EIF2AK4: variants seen among roughly 807,000 people sequenced by gnomAD.
EIF2AK4 encodes eukaryotic translation initiation factor 2 alpha kinase 4.
A neutral mutation model predicts 211.1 loss-of-function variants in EIF2AK4; 139 were observed. That is an observed-to-expected ratio of 0.66 (90% CI 0.57 to 0.76). The LOEUF (loss-of-function observed/expected upper bound fraction) is 0.76. EIF2AK4 is among the 30% of genes least tolerant of loss of function. The pLI is 0.00. For synonymous variants in EIF2AK4, 710 were observed against 751.3 expected, an observed-to-expected ratio of 0.94 and a Z score of 0.90; for missense variants, 1,664 against 2,043.8, an observed-to-expected ratio of 0.81 and a Z score of 3.58.
chr15:40,021,018 C>CG lies in EIF2AK4; in HGVS notation c.4293_4294insG (p.Trp1432ValfsTer16). 6.2e-7 allele frequency: 1 copy of CG among 1,612,736 alleles called. No homozygotes were observed. Among genetic ancestry groups the CG allele is most frequent in the Non-Finnish European group, 8.5e-7 (1 of 1,179,382 alleles). The stretch of plus-strand genomic sequence containing the variant: ...GCATCACAGCAGAAATCATGTACGA[C>CG]TGGTCACAGGTAATGGGACAAAAAG... On this transcript the variant is annotated frameshift_variant, in exon 31 of 39. Coordinates refer to ENST00000263791, the MANE Select transcript of EIF2AK4 (RefSeq NM_001013703.4). LOFTEE classifies it high-confidence loss of function.
intron 1 of EIF2AK4, among the ~76,000 whole-genome samples, chr15:39,938,695 C>T (rs992362471): frequency 6.6e-6 from 1 of 152,190 alleles, no homozygotes; most frequent in Admixed American, 6.5e-5. Flanking sequence ...TGAATCCCAG[C>T]TCTGTCCCTG....
At chr15:39,960,737 A>G (rs2034459882) in intron 6 of EIF2AK4, among the ~76,000 whole-genome samples, 1 of 152,120 alleles carries the variant, frequency 6.6e-6, no homozygotes, top group South Asian at 2.1e-4. Context: ...GGACTAACTA[A>G]TAGACTAAGA....
intron 21 of EIF2AK4, among the ~76,000 whole-genome samples, chr15:40,001,633 C>CAAAAAAAAAAAAAA (rs11383908): frequency 8.3e-6 from 1 of 120,352 alleles, no homozygotes; most frequent in Non-Finnish European, 1.6e-5. Context: ...GACCCCAACT[C>CAAAAAAAAAAAAAA]AAAAAAAAAA....
At chr15:39,981,180 G>A (rs558200976) in intron 13 of EIF2AK4, among the ~76,000 whole-genome samples, 3 of 152,216 alleles carry the variant, frequency 2.0e-5, no homozygotes, top group Non-Finnish European at 4.4e-5. Context: ...GACCAGCCTG[G>A]CCAACATGGT....
rs1443113202 is a variant in EIF2AK4, at chr15:40,006,919, G to A, written c.3358-97G>A. On this transcript the variant is annotated intron_variant, in intron 23 of 38. Transcript: ENST00000263791. ...GCCACTGAAGTACATACTTTAAAGGGGTGAACTTTATGGGACAGGAGTTAT... is the reference window on the plus strand; with the variant it reads ...GCCACTGAAGTACATACTTTAAAGGAGTGAACTTTATGGGACAGGAGTTAT... The A allele has an allele frequency of 3.4e-6, 3 of 889,230 alleles. No individual in the cohort carries two copies. The African/African-American group carries it at 5.0e-5, about 15-fold the overall frequency. 55.1% of individuals were successfully genotyped at this position (889,230 alleles called of 1,614,324 possible).
chr15:40,010,458 A>G (rs1413104041), intron 26 of EIF2AK4, among the ~76,000 whole-genome samples: 1 of 152,200 alleles, frequency 6.6e-6, no homozygotes, highest in Non-Finnish European at 1.5e-5. Context: ...ACTTTATAGT[A>G]TATGTGCGGG....
chr15:39,945,367 A>G (rs2034213215), intron 3 of EIF2AK4, among the ~76,000 whole-genome samples: 1 of 152,216 alleles, frequency 6.6e-6, no homozygotes. Flanking sequence ...GCTGGAAAGA[A>G]GATCAAATTA....
chr15:39,968,891 T>TATATATATACAC (rs139536340), intron 9 of EIF2AK4, among the ~76,000 whole-genome samples: 1 of 149,116 alleles, frequency 6.7e-6, no homozygotes, highest in African/African-American at 2.5e-5. Context: ...TATATATATA[T>TATATATATACAC]ACACACACAT....
At position 40,033,288 on chromosome 15, in the gene EIF2AK4, A is replaced by G. The variant is rs917001123; in HGVS notation, c.4773+487A>G. Among the ~76,000 whole-genome samples the G allele has an allele frequency of 1.3e-5, 2 of 152,230 alleles. 1 individual carries two copies. The highest frequency in any genetic ancestry group is 4.1e-4 in the South Asian group (2 of 4,830). ...AATCGGTGTTCTTAACCACTATACT[A>G]TACTATCTCTCAAACCTCCATTCCA... On this transcript the variant is annotated intron_variant, in intron 37 of 38. Transcript: ENST00000263791.
At chr15:40,034,278 A>G in intron 37 of EIF2AK4, 48 bp from the exon 38 acceptor site, 2 of 1,474,082 alleles carry the variant, frequency 1.4e-6, no homozygotes, top group South Asian at 1.2e-5. Context: ...AAAACCAGCT[A>G]GTAAACCCTA....
intron 5 of EIF2AK4, among the ~76,000 whole-genome samples, chr15:39,954,950 C>T (rs2140905751): frequency 6.6e-6 from 1 of 152,366 alleles, no homozygotes. Flanking sequence ...ACTCTCTTTA[C>T]TTGTCCCTTA....
chr15:39,976,716 C>G lies in EIF2AK4; in HGVS notation c.2121C>G (p.Ser707Arg), dbSNP rs1463696646. 6.2e-7 allele frequency: 1 copy of G among 1,602,908 alleles called. No individual in the cohort carries two copies. The highest frequency in any genetic ancestry group is 8.5e-7 in the Non-Finnish European group (1 of 1,177,784). Residue 707 changes from serine to arginine, a missense_variant, in exon 12 of 39, where the codon AGC (serine) becomes AGG (arginine). Ser to Arg is a moderately radical substitution (Grantham distance 110). Around this residue, in one of 7 missense-constraint regions of EIF2AK4, gnomAD observed 206 missense variants for 201.9 expected, o/e 1.02. Transcript: ENST00000263791. Reference sequence around the variant, plus strand: ...CCGCGCCGCCACCCATCCTCAGCAGCTCGGTGGAGTGGAGCACTTCGGGCG... The same window carrying G: ...CCGCGCCGCCACCCATCCTCAGCAGGTCGGTGGAGTGGAGCACTTCGGGCG... The part of the protein sequence containing the change: ...EAAAPPPILS[S>R]SVEWSTSGER...
At chr15:39,987,950 G>A (rs758754502) in intron 14 of EIF2AK4, 33 bp from the exon 15 acceptor site, 5 of 1,609,598 alleles carry the variant, frequency 3.1e-6, no homozygotes, top group Non-Finnish European at 4.2e-6. Flanking sequence ...AAACTGTTGT[G>A]TAATCAAATT....
At chr15:40,015,137 T>C (rs1208144627) in intron 27 of EIF2AK4, among the ~76,000 whole-genome samples, 1 of 152,180 alleles carries the variant, frequency 6.6e-6, no homozygotes, top group Admixed American at 6.5e-5. Flanking sequence ...CTTTCCCCCA[T>C]TTTCCTGTCT....
intron 1 of EIF2AK4, among the ~76,000 whole-genome samples, chr15:39,935,496 A>G (rs903833533): frequency 2.6e-5 from 4 of 151,960 alleles, no homozygotes; most frequent in African/African-American, 9.7e-5. Flanking sequence ...CACCTGGTTA[A>G]TTTTTTTAAT....
At chr15:39,982,994 C>T (rs139522876) in intron 13 of EIF2AK4, among the ~76,000 whole-genome samples, 2,558 of 152,212 alleles carry the variant, frequency 0.017, 29 homozygotes, top group Middle Eastern at 0.027. Flanking sequence ...TGAATAGTGC[C>T]GCAATAAACA....
At chr15:39,992,612 G>A in intron 17 of EIF2AK4, 157 bp from the exon 18 acceptor site, 1 of 644,508 alleles carries the variant, frequency 1.6e-6, no homozygotes, top group Non-Finnish European at 2.8e-6. Flanking sequence ...GTGACTTATG[G>A]TTATTCATTT....
At chr15:40,024,321 C>T (rs1466642998) in intron 32 of EIF2AK4, among the ~76,000 whole-genome samples, 5 of 151,064 alleles carry the variant, frequency 3.3e-5, no homozygotes, top group African/African-American at 4.9e-5. Flanking sequence ...GGGATACAGG[C>T]GTGTGCCACT....
At chr15:40,002,852 A>G (rs1280043133) in intron 22 of EIF2AK4, 64 bp downstream of exon 22, 1 of 1,545,874 alleles carries the variant, frequency 6.5e-7, no homozygotes, top group South Asian at 1.1e-5. Context: ...ATTAGAAAGT[A>G]CTGTTAGTGT....
Sources: allele counts gnomAD v4.1 joint callset (sites outside exome capture counted in the v4.1 genomes callset), GRCh38; gene constraint gnomAD v4.1.1; regional missense constraint gnomAD v4.1.1; transcripts MANE v1.5; gene names NCBI Gene and HGNC (gene_info 2026-07-23, HGNC 2026-07-21).